The following RABGAP1L variants were observed in gnomAD, a reference collection of about 807,000 sequenced individuals.
RABGAP1L encodes the protein RAB GTPase activating protein 1 like.
In RABGAP1L, 63 loss-of-function variants were observed where a neutral mutation model predicts 137.7. The ratio of observed to expected loss-of-function variants is 0.46; its 90% confidence interval spans 0.37 to 0.56. RABGAP1L has a LOEUF of 0.56. Ranked by LOEUF, RABGAP1L falls within the 20% of genes least tolerant of loss-of-function variation. The pLI, the probability that RABGAP1L is intolerant of heterozygous loss-of-function variation, is 0.00. For synonymous variants in RABGAP1L, 431 were observed against 433.7 expected (o/e 0.99, Z 0.08); for missense variants, 1,095 against 1,244.0 (o/e 0.88, Z 1.80).
chr1:174,242,141 G>A (rs1671882610), intron 5 of RABGAP1L, among the ~76,000 whole-genome samples: 2 of 152,164 alleles, frequency 1.3e-5, no homozygotes, highest in South Asian at 4.1e-4. Context: ...TTGCTCAGAG[G>A]CTATATTTTG....
chr1:174,170,024 A>G (rs377214768), intron 1 of RABGAP1L, among the ~76,000 whole-genome samples: 4 of 152,246 alleles, frequency 2.6e-5, no homozygotes, highest in Non-Finnish European at 5.9e-5. Flanking sequence ...GAGGAGGATA[A>G]TAGTAGCTTT....
intron 14 of RABGAP1L, among the ~76,000 whole-genome samples, chr1:174,667,111 C>T (rs1400033277): frequency 6.6e-6 from 1 of 151,930 alleles, no homozygotes; most frequent in Non-Finnish European, 1.5e-5. Flanking sequence ...AAGTTTTATC[C>T]TGTGGTCAGC....
At chr1:174,358,982 G>T (rs1683902562) in intron 11 of RABGAP1L, among the ~76,000 whole-genome samples, 2 of 152,118 alleles carry the variant, frequency 1.3e-5, no homozygotes, top group Admixed American at 1.3e-4. Context: ...TGGGCCTAGG[G>T]GGGCAGTATT....
intron 13 of RABGAP1L, among the ~76,000 whole-genome samples, chr1:174,566,061 G>A (rs982078838): frequency 7.9e-5 from 12 of 151,848 alleles, no homozygotes; most frequent in Non-Finnish European, 1.2e-4. Flanking sequence ...GCTAATTTTT[G>A]TAGAAATTAG....
intron 19 of RABGAP1L, among the ~76,000 whole-genome samples, chr1:174,826,402 A>T (rs1691570739): frequency 1.3e-5 from 2 of 152,032 alleles, no homozygotes; most frequent in Non-Finnish European, 2.9e-5. Context: ...TTGTATTATT[A>T]GTAGAGATGG....
intron 1 of RABGAP1L, among the ~76,000 whole-genome samples, chr1:174,212,609 C>A (rs552734840): frequency 6.6e-6 from 1 of 151,778 alleles, no homozygotes; most frequent in South Asian, 2.1e-4. Context: ...TTCAAGTAAG[C>A]GACCTAACAA....
intron 1 of RABGAP1L, among the ~76,000 whole-genome samples, chr1:174,175,500 T>C (rs895316769): frequency 2.0e-4 from 31 of 151,546 alleles, no homozygotes; most frequent in African/African-American, 3.6e-4. Flanking sequence ...TTCTTTTTTT[T>C]TTTTTTTGAG....
At chr1:174,306,852 C>T (rs1678311060) in intron 11 of RABGAP1L, among the ~76,000 whole-genome samples, 1 of 151,954 alleles carries the variant, frequency 6.6e-6, no homozygotes, top group Admixed American at 6.6e-5. Flanking sequence ...ACTTTTAAGA[C>T]CTTGTATCAT....
intron 17 of RABGAP1L, among the ~76,000 whole-genome samples, chr1:174,722,395 A>G (rs1269823793): frequency 6.6e-6 from 1 of 151,944 alleles, no homozygotes; most frequent in Non-Finnish European, 1.5e-5. Flanking sequence ...TTGTTTAATT[A>G]GGGTCTCGGA....
chr1:174,412,147 C>T (rs1252907536), intron 13 of RABGAP1L, among the ~76,000 whole-genome samples: 1 of 152,022 alleles, frequency 6.6e-6, no homozygotes, highest in South Asian at 2.1e-4. Context: ...GTTTATACCC[C>T]AAACTTGGGC....
chr1:174,507,755 A>G (rs769771017), intron 13 of RABGAP1L, among the ~76,000 whole-genome samples: 7 of 152,282 alleles, frequency 4.6e-5, no homozygotes, highest in Admixed American at 2.0e-4. Context: ...CTGAGGGTCA[A>G]TGAACCCTAA....
chr1:174,977,474 T>G (rs552738898), intron 22 of RABGAP1L, among the ~76,000 whole-genome samples: 1 of 152,230 alleles, frequency 6.6e-6, no homozygotes, highest in African/African-American at 2.4e-5. Flanking sequence ...CATAGACATA[T>G]ATACTAGCCT....
At chr1:174,163,386 G>A (rs970510328) in intron 1 of RABGAP1L, among the ~76,000 whole-genome samples, 2 of 152,156 alleles carry the variant, frequency 1.3e-5, no homozygotes, top group South Asian at 2.1e-4. Flanking sequence ...AGATGGGATG[G>A]CATAATTGGG....
At chr1:174,898,007 ATAAT>A (rs918890636) in intron 19 of RABGAP1L, 4 of 151,322 alleles carry the variant, frequency 2.6e-5, no homozygotes, top group Admixed American at 6.6e-5. Context: ...GAAAAGGGAG[ATAAT>A]TAATTTCATT....
intron 19 of RABGAP1L, chr1:174,877,531 G>A (rs372157717): frequency 2.2e-5 from 36 of 1,613,996 alleles, no homozygotes; most frequent in Non-Finnish European, 2.6e-5. Flanking sequence ...AGCCTATGAC[G>A]CCCATGTTTT....
intron 13 of RABGAP1L, among the ~76,000 whole-genome samples, chr1:174,411,963 G>A (rs1410062151): frequency 6.6e-6 from 1 of 152,024 alleles, no homozygotes; most frequent in Non-Finnish European, 1.5e-5. Context: ...TGTGGTTGAT[G>A]GGTAGAGTAT....
At chr1:174,228,424 TC>T (rs1670367039) in intron 3 of RABGAP1L, among the ~76,000 whole-genome samples, 1 of 152,184 alleles carries the variant, frequency 6.6e-6, no homozygotes, top group Non-Finnish European at 1.5e-5. Context: ...AACTACGTAA[TC>T]ACCCAGGCTC....
At chr1:174,560,278 C>T (rs1667127385) in intron 13 of RABGAP1L, among the ~76,000 whole-genome samples, 1 of 152,206 alleles carries the variant, frequency 6.6e-6, no homozygotes, top group Non-Finnish European at 1.5e-5. Context: ...TGTGTCTCCA[C>T]CTTCACCCCC....
rs138791107 is a variant in RABGAP1L, at chr1:174,219,253, A to G, written c.96A>G (p.Ala32=). The G allele has an allele frequency of 2.1e-4, 337 of 1,596,472 alleles. No individual in the cohort carries two copies. Among genetic ancestry groups the G allele is most frequent in the Non-Finnish European group, 2.5e-4 (289 of 1,170,938 alleles). The change falls in exon 2 of 26, where the codon GCA becomes GCG. Residue 32 remains alanine (A), a synonymous_variant. Coordinates refer to ENST00000681986, the MANE Select transcript of RABGAP1L (RefSeq NM_001366446.1). ...SEEFVLVPQY[A]DDNSTKHEEK... is the part of the protein sequence containing the mutation. ...AATTTGTTTTGGTTCCTCAGTATGC[A>G]GATGATAATTCTACAAAACATGAAG... is the stretch of plus-strand genomic sequence containing the variant.
Sources: gnomAD v4.1 joint callset for allele counts (sites outside exome capture counted in the v4.1 genomes callset) on GRCh38, gnomAD v4.1.1 for gene constraint, MANE v1.5 for transcripts, NCBI Gene and HGNC (gene_info 2026-07-23, HGNC 2026-07-21) for gene names.